The following NEK11 variants were observed in gnomAD, a reference collection of about 807,000 sequenced individuals.
The protein encoded by NEK11 is NIMA related kinase 11, also known as serine/threonine-protein kinase Nek11.
Under a neutral mutation model 80.7 loss-of-function variants are expected in NEK11, and 72 were observed. That is an observed-to-expected ratio of 0.89 (90% CI 0.74 to 1.08). NEK11 has a LOEUF of 1.08. Ranked by LOEUF, NEK11 falls within the 50% of genes least tolerant of loss-of-function variation. NEK11 has a pLI of 0.00. For synonymous variants in NEK11, 251 were observed against 260.7 expected (o/e 0.96, Z 0.36); for missense variants, 764 against 763.6 (o/e 1.00, Z -0.01).
chr3:131,256,947 C>G (rs533634915), intron 16 of NEK11, among the ~76,000 whole-genome samples: 1 of 152,048 alleles, frequency 6.6e-6, no homozygotes, highest in Admixed American at 6.6e-5. Flanking sequence ...CTACCGCAAA[C>G]CTGCCTGGAT....
intron 4 of NEK11, among the ~76,000 whole-genome samples, chr3:131,083,739 C>G (rs1204271595): frequency 6.6e-6 from 1 of 152,274 alleles, no homozygotes; most frequent in East Asian, 1.9e-4. Flanking sequence ...CATCTACTAC[C>G]TAACCCTTTG....
chr3:131,191,209 A>G (rs559138793), intron 14 of NEK11, among the ~76,000 whole-genome samples: 1 of 152,306 alleles, frequency 6.6e-6, no homozygotes, highest in African/African-American at 2.4e-5. Flanking sequence ...ATAACAAATA[A>G]TCACAAACTT....
intron 5 of NEK11, among the ~76,000 whole-genome samples, chr3:131,131,331 G>A (rs955851404): frequency 7.2e-5 from 11 of 152,182 alleles, no homozygotes; most frequent in East Asian, 5.8e-4. Flanking sequence ...GGTAGAATTC[G>A]CCAGTGAACC....
At chr3:131,300,098 G>A (rs147849347) in intron 17 of NEK11, among the ~76,000 whole-genome samples, 2 of 152,242 alleles carry the variant, frequency 1.3e-5, no homozygotes, top group African/African-American at 4.8e-5. Context: ...GTATCTCATT[G>A]TGGTTTTGAT....
At chr3:131,097,732 C>T (rs997540555) in intron 4 of NEK11, among the ~76,000 whole-genome samples, 5 of 149,650 alleles carry the variant, frequency 3.3e-5, no homozygotes, top group African/African-American at 1.2e-4. Flanking sequence ...CCATACTGCC[C>T]AAGGTAATTT....
chr3:131,063,726 G>C (rs1248021237), intron 3 of NEK11, among the ~76,000 whole-genome samples: 1 of 152,136 alleles, frequency 6.6e-6, no homozygotes, highest in Admixed American at 6.5e-5. Context: ...TTTGAAAAAT[G>C]ATTATCCTTG....
intron 17 of NEK11, chr3:131,329,525 A>G (rs2097035235): frequency 6.6e-6 from 1 of 152,230 alleles, no homozygotes; most frequent in African/African-American, 2.4e-5. Flanking sequence ...AATGGGTGAT[A>G]AATCATAAAA....
rs181173238 is a variant in NEK11 at position 131,295,648 on chromosome 3, T to G, written c.1718+22074T>G. Among the ~76,000 whole-genome samples the G allele has an allele frequency of 5.4e-3, 823 of 152,304 alleles. 5 individuals carry two copies. Among genetic ancestry groups the G allele is most frequent in the South Asian group, 0.035 (169 of 4,818 alleles). The stretch of plus-strand genomic sequence containing the variant: ...ATATATCTGCCCCATTTCATTTAAC[T>G]GTTGCAAAATACTTTATATTATGGA... On this transcript the variant is annotated intron_variant, in intron 17 of 17. Coordinates refer to ENST00000383366, the MANE Select transcript of NEK11 (RefSeq NM_024800.5).
chr3:131,164,260 A>G (rs2091968562), intron 11 of NEK11, among the ~76,000 whole-genome samples: 1 of 152,222 alleles, frequency 6.6e-6, no homozygotes, highest in South Asian at 2.1e-4. Context: ...TTTCTGTGAT[A>G]TAAATACTTC....
At chr3:131,180,035 C>T (rs561215974) in intron 14 of NEK11, among the ~76,000 whole-genome samples, 3 of 152,292 alleles carry the variant, frequency 2.0e-5, no homozygotes, top group South Asian at 4.1e-4. Flanking sequence ...ATTCCCTGTG[C>T]AGTGACTAAG....
chr3:131,108,855 G>T (rs1408598969), intron 4 of NEK11, among the ~76,000 whole-genome samples: 1 of 151,962 alleles, frequency 6.6e-6, no homozygotes, highest in East Asian at 1.9e-4. Context: ...ATCCCAATGC[G>T]CATGGTACCC....
intron 17 of NEK11, among the ~76,000 whole-genome samples, chr3:131,281,325 G>C (rs1272641074): frequency 6.6e-6 from 1 of 151,970 alleles, no homozygotes; most frequent in Non-Finnish European, 1.5e-5. Context: ...AATATATTCA[G>C]ATAAATGAAT....
chr3:131,059,011 T>C (rs2070262818), intron 3 of NEK11, among the ~76,000 whole-genome samples: 1 of 152,212 alleles, frequency 6.6e-6, no homozygotes, highest in African/African-American at 2.4e-5. Context: ...TTATAGTAGT[T>C]CTATCAGGAG....
At chr3:131,169,016 G>T in intron 13 of NEK11, 79 bp downstream of exon 13, 1 of 1,077,904 alleles carries the variant, frequency 9.3e-7, no homozygotes, top group Admixed American at 2.1e-5. Context: ...AAGAAAATGG[G>T]AAGCCGAACA....
At chr3:131,195,629 T>C (rs2093972227) in intron 14 of NEK11, among the ~76,000 whole-genome samples, 1 of 152,014 alleles carries the variant, frequency 6.6e-6, no homozygotes, top group African/African-American at 2.4e-5. Flanking sequence ...TTGTGCCTGC[T>C]GTGTGCTGCA....
chr3:131,332,745 G>A (rs2110095992), intron 17 of NEK11, among the ~76,000 whole-genome samples: 1 of 152,190 alleles, frequency 6.6e-6, no homozygotes, highest in South Asian at 2.1e-4. Flanking sequence ...TGTATAACTA[G>A]AATAACCAAT....
chr3:131,293,542 G>A (rs2096565341), intron 17 of NEK11, among the ~76,000 whole-genome samples: 1 of 150,242 alleles, frequency 6.7e-6, no homozygotes, highest in Non-Finnish European at 1.5e-5. Flanking sequence ...ATACTGGTCT[G>A]TAGTTTAATT....
intron 5 of NEK11, among the ~76,000 whole-genome samples, chr3:131,130,328 T>G (rs1010776796): frequency 6.6e-6 from 1 of 152,130 alleles, no homozygotes; most frequent in African/African-American, 2.4e-5. Flanking sequence ...TTCCAGGAGG[T>G]TTTTTTAATT....
In NEK11 at chr3:131,273,491, C is replaced by T; in HGVS notation, c.1635C>T (p.Ile545=). 1 of 1,613,898 alleles carries T rather than the reference C, an allele frequency of 6.2e-7. No individual in the cohort carries two copies. Among genetic ancestry groups the T allele is most frequent in the Non-Finnish European group, 8.5e-7 (1 of 1,179,794 alleles). The change falls in exon 17 of 18, where the codon ATC becomes ATT. Residue 545 remains isoleucine (I), a synonymous_variant. Coordinates refer to ENST00000383366, the MANE Select transcript of NEK11 (RefSeq NM_024800.5). ...ATTGATTTTCAGACACAAAGACCATCACCACCATGGCTGAAGACATGTCCC... is the reference window on the plus strand; with the variant it reads ...ATTGATTTTCAGACACAAAGACCATTACCACCATGGCTGAAGACATGTCCC... ...LGCTSLDTKT[I]TTMAEDMSPG...
Sources: gnomAD v4.1 joint callset for allele counts (sites outside exome capture counted in the v4.1 genomes callset) on GRCh38, gnomAD v4.1.1 for gene constraint, MANE v1.5 for transcripts, NCBI Gene and HGNC (gene_info 2026-07-23, HGNC 2026-07-21) for gene names.